The following FBXW7 variants were observed in gnomAD, a reference collection of about 807,000 sequenced individuals.
FBXW7 encodes the protein F-box and WD repeat domain containing 7, also known as F-box/WD repeat-containing protein 7.
Under a neutral mutation model 86.3 loss-of-function variants are expected in FBXW7, and 11 were observed. That is an observed-to-expected ratio of 0.13 (90% CI 0.08 to 0.21). The LOEUF (loss-of-function observed/expected upper bound fraction) is 0.21. Ranked by LOEUF, FBXW7 falls within the 10% of genes least tolerant of loss-of-function variation. The pLI is 1.00. For missense variants in FBXW7, 488 were observed against 847.4 expected (o/e 0.58, Z 5.27); for synonymous variants, 313 against 297.9 (o/e 1.05, Z -0.52).
intron 2 of FBXW7, among the ~76,000 whole-genome samples, chr4:152,509,530 T>C (rs1040936410): frequency 6.6e-6 from 1 of 152,150 alleles, no homozygotes; most frequent in African/African-American, 2.4e-5. Context: ...AACAACATGT[T>C]TTAGAGTAGA....
intron 4 of FBXW7, among the ~76,000 whole-genome samples, chr4:152,368,194 T>C (rs1383966165): frequency 6.6e-6 from 1 of 152,130 alleles, no homozygotes; most frequent in African/African-American, 2.4e-5. Flanking sequence ...AACTTCTGCC[T>C]GTTTCCTTCT....
chr4:152,471,575 GAGAGGGAA>G (rs769393521), intron 2 of FBXW7, among the ~76,000 whole-genome samples: 14 of 151,782 alleles, frequency 9.2e-5, no homozygotes, highest in Non-Finnish European at 1.3e-4. Flanking sequence ...GAGAGAAAGA[GAGAGGGAA>G]AGAGGGAAAG....
intron 6 of FBXW7, among the ~76,000 whole-genome samples, chr4:152,344,212 T>C (rs1731029178): frequency 6.6e-6 from 1 of 152,122 alleles, no homozygotes; most frequent in Non-Finnish European, 1.5e-5. Flanking sequence ...AGTAAGCCTT[T>C]AGGCAAGTGA....
At chr4:152,373,803 A>T (rs781125302) in intron 4 of FBXW7, among the ~76,000 whole-genome samples, 19 of 151,986 alleles carry the variant, frequency 1.3e-4, no homozygotes, top group Non-Finnish European at 2.1e-4. Flanking sequence ...TATCACTGTG[A>T]CTTTTCATTT....
rs1750473725 is a variant in FBXW7 at position 152,535,626 on chromosome 4, C to G, written c.-712G>C. 2.5e-6 allele frequency: 1 copy of G among 397,152 alleles called. No homozygotes were observed. The highest frequency in any genetic ancestry group is 4.4e-6 in the Non-Finnish European group (1 of 225,070). The allele number at this position is 397,152 out of a possible 1,614,324, so 24.6% of individuals were successfully genotyped here. A position where few individuals can be genotyped will look rare whatever the true frequency, so the allele number is the denominator to read the frequency against. ...CGGCCGGCTCCGCTCGGCGCCGCCC[C>G]CGCTCCCGGCTCCCGCATGTGTCGC... is the stretch of plus-strand genomic sequence containing the variant. On this transcript the variant is annotated 5_prime_UTR_variant, in exon 1 of 14. Transcript: ENST00000281708.
At chr4:152,329,562 C>T (rs972217204) in intron 10 of FBXW7, 110 bp downstream of exon 10, 3 of 535,722 alleles carry the variant, frequency 5.6e-6, no homozygotes, top group Non-Finnish European at 6.4e-6. Context: ...TATTTGCTAT[C>T]CAAATAACTA....
At chr4:152,515,842 T>C (rs1253161892) in intron 2 of FBXW7, among the ~76,000 whole-genome samples, 3 of 151,750 alleles carry the variant, frequency 2.0e-5, no homozygotes, top group African/African-American at 7.3e-5. Flanking sequence ...TAGTCATACA[T>C]AAAGTAAGAA....
chr4:152,491,697 C>T (rs1438127265), intron 2 of FBXW7, among the ~76,000 whole-genome samples: 1 of 151,980 alleles, frequency 6.6e-6, no homozygotes, highest in African/African-American at 2.4e-5. Context: ...TAAGTGTCTT[C>T]GTAACTTTGA....
chr4:152,348,383 T>C (rs1560788319), intron 5 of FBXW7, among the ~76,000 whole-genome samples: 2 of 152,124 alleles, frequency 1.3e-5, no homozygotes, highest in Non-Finnish European at 2.9e-5. Flanking sequence ...GGAAAAATCA[T>C]AGTTTTATCT....
intron 2 of FBXW7, among the ~76,000 whole-genome samples, chr4:152,479,615 T>C (rs777267423): frequency 1.3e-4 from 20 of 152,240 alleles, no homozygotes; most frequent in Middle Eastern, 3.4e-3. Context: ...CCTGTATTTC[T>C]TGGAAACAAG....
chr4:152,491,737 G>T (rs1206635854), intron 2 of FBXW7, among the ~76,000 whole-genome samples: 1 of 151,978 alleles, frequency 6.6e-6, no homozygotes, highest in Non-Finnish European at 1.5e-5. Flanking sequence ...GGAAAACTTT[G>T]AACACACAAA....
At chr4:152,494,438 T>C (rs1220020846) in intron 2 of FBXW7, among the ~76,000 whole-genome samples, 1 of 152,216 alleles carries the variant, frequency 6.6e-6, no homozygotes, top group Admixed American at 6.5e-5. Flanking sequence ...CCATGCAGTA[T>C]TAGGGTCTGT....
intron 2 of FBXW7, among the ~76,000 whole-genome samples, chr4:152,470,510 T>G (rs902200536): frequency 6.6e-6 from 1 of 152,144 alleles, no homozygotes; most frequent in Non-Finnish European, 1.5e-5. Context: ...ATTAAAAAAT[T>G]AACATGAGGA....
intron 7 of FBXW7, 67 bp downstream of exon 7, chr4:152,337,735 A>C: frequency 1.4e-6 from 2 of 1,474,402 alleles, no homozygotes; most frequent in Non-Finnish European, 1.8e-6. Flanking sequence ...ACAATGTTTA[A>C]AGGTGGTAGC....
intron 4 of FBXW7, among the ~76,000 whole-genome samples, chr4:152,389,808 G>A (rs986218394): frequency 3.6e-4 from 55 of 151,948 alleles, no homozygotes; most frequent in African/African-American, 1.3e-3. Context: ...TGGCCTTCTT[G>A]TAAGAAGGTT....
chr4:152,508,411 G>A (rs772259475), intron 2 of FBXW7, among the ~76,000 whole-genome samples: 24 of 151,994 alleles, frequency 1.6e-4, no homozygotes, highest in African/African-American at 2.9e-4. Flanking sequence ...TAAAGTCTGG[G>A]GCCAGGCAGT....
At chr4:152,508,786 TC>T (rs1171554882) in intron 2 of FBXW7, among the ~76,000 whole-genome samples, 1 of 152,060 alleles carries the variant, frequency 6.6e-6, no homozygotes, top group Non-Finnish European at 1.5e-5. Flanking sequence ...TTTTTCCTTT[TC>T]TTAACCTAGA....
intron 2 of FBXW7, among the ~76,000 whole-genome samples, chr4:152,512,683 T>C (rs578011522): frequency 1.3e-5 from 2 of 152,088 alleles, no homozygotes; most frequent in Non-Finnish European, 2.9e-5. Context: ...ATGTCTAAAA[T>C]AGGCAAATCC....
intron 2 of FBXW7, among the ~76,000 whole-genome samples, chr4:152,509,856 A>G (rs963383684): frequency 2.6e-5 from 4 of 152,210 alleles, no homozygotes; most frequent in Non-Finnish European, 4.4e-5. Context: ...GACAATAGGT[A>G]GTCCATTTAT....
Sources: gnomAD v4.1 joint callset for allele counts (sites outside exome capture counted in the v4.1 genomes callset) on GRCh38, gnomAD v4.1.1 for gene constraint, MANE v1.5 for transcripts, NCBI Gene and HGNC (gene_info 2026-07-23, HGNC 2026-07-21) for gene names.